The following ZNF704 variants were observed in gnomAD, a reference collection of about 807,000 sequenced individuals.
The protein encoded by ZNF704 is glucocorticoid induced gene 1.
A neutral mutation model predicts 44.7 loss-of-function variants in ZNF704; 10 were observed. The observed-to-expected ratio is 0.22, with a 90% CI of 0.14 to 0.38. The LOEUF is 0.38. Ranked by LOEUF, ZNF704 falls within the 10% of genes least tolerant of loss-of-function variation. The probability of loss-of-function intolerance (pLI) is 1.00; values close to 1 mark genes in which losing one functional copy is unlikely to be tolerated. For synonymous variants in ZNF704, 211 were observed against 207.6 expected (o/e 1.02, Z -0.14); for missense variants, 390 against 545.5 (o/e 0.71, Z 2.84).
intron 2 of ZNF704, among the ~76,000 whole-genome samples, chr8:80,811,935 AC>A (rs925183702): frequency 1.1e-4 from 17 of 152,128 alleles, no homozygotes; most frequent in African/African-American, 4.1e-4. Context: ...CCTATTGTGA[AC>A]TGCGCATGTG....
rs188489254 is a variant in ZNF704 at position 80,733,298 on chromosome 8, C to T, written c.222-40191G>A. ...CATTATCTGTTATTTTCATTGTTTT[C>T]TTTTCCCATGCACACTGCCTTATCT... On this transcript the variant is annotated intron_variant, in intron 2 of 8. Transcript: ENST00000327835. 2.8e-3 allele frequency among the ~76,000 whole-genome samples: 432 copies of T among 152,154 alleles called. 8 individuals are homozygous for T. Among genetic ancestry groups the T allele is most frequent in the Admixed American group, 0.025 (382 of 15,282 alleles).
At chr8:80,876,715 T>A (rs1044632976), upstream of ZNF704, among the ~76,000 whole-genome samples, 27 of 152,290 alleles carry the variant, frequency 1.8e-4, no homozygotes, top group African/African-American at 6.0e-4. Context: ...ATAAATGCAA[T>A]CAGCTTACAA....
intron 1 of ZNF704, among the ~76,000 whole-genome samples, chr8:80,859,715 C>T (rs890746525): frequency 1.3e-5 from 2 of 152,126 alleles, no homozygotes. Context: ...TCAGCAGCGA[C>T]TCCAGGTCTG....
chr8:80,707,085 A>C (rs1818910665), intron 2 of ZNF704, among the ~76,000 whole-genome samples: 1 of 152,128 alleles, frequency 6.6e-6, no homozygotes, highest in African/African-American at 2.4e-5. Context: ...GGTTGATGTC[A>C]CTCCCCCATT....
chr8:80,867,047 G>C (rs1809167904), intron 1 of ZNF704, among the ~76,000 whole-genome samples: 1 of 152,152 alleles, frequency 6.6e-6, no homozygotes, highest in Non-Finnish European at 1.5e-5. Context: ...AAGGAGAAGA[G>C]GCTCTAACAG....
intron 2 of ZNF704, among the ~76,000 whole-genome samples, chr8:80,808,912 A>G (rs1244976816): frequency 6.6e-6 from 1 of 152,216 alleles, no homozygotes; most frequent in Non-Finnish European, 1.5e-5. Context: ...AAGTCTAATC[A>G]CATCCAAGTG....
chr8:80,774,981 C>T (rs1807387204), intron 2 of ZNF704, among the ~76,000 whole-genome samples: 1 of 152,138 alleles, frequency 6.6e-6, no homozygotes, highest in African/African-American at 2.4e-5. Flanking sequence ...AGTCTGTTTT[C>T]TTCTCTCTAC....
At chr8:80,750,130 G>A (rs1438231652) in intron 2 of ZNF704, among the ~76,000 whole-genome samples, 2 of 152,082 alleles carry the variant, frequency 1.3e-5, no homozygotes, top group African/African-American at 4.8e-5. Context: ...TGCCTGCTCA[G>A]CCAAGGTATG....
At chr8:80,837,819 T>C (rs1342300947) in intron 1 of ZNF704, among the ~76,000 whole-genome samples, 1 of 152,192 alleles carries the variant, frequency 6.6e-6, no homozygotes, top group Non-Finnish European at 1.5e-5. Context: ...GGTCTGCCCA[T>C]TCTAATAGCT....
At chr8:80,710,536 C>T (rs575303446) in intron 2 of ZNF704, among the ~76,000 whole-genome samples, 4 of 152,244 alleles carry the variant, frequency 2.6e-5, no homozygotes, top group Admixed American at 2.0e-4. Flanking sequence ...TACCCCTCGA[C>T]ATGATAGTAT....
chr8:80,792,324 C>G (rs1411518692), intron 2 of ZNF704, among the ~76,000 whole-genome samples: 1 of 152,074 alleles, frequency 6.6e-6, no homozygotes, highest in Non-Finnish European at 1.5e-5. Context: ...GTATGCAAAC[C>G]CTTTAATTAG....
intron 6 of ZNF704, 39 bp from the exon 7 acceptor site, chr8:80,659,728 T>C (rs1238667570): frequency 9.7e-5 from 119 of 1,230,594 alleles, no homozygotes; most frequent in Non-Finnish European, 1.2e-4. Context: ...TATGAAGGAA[T>C]ATTTTCCTTC....
intron 6 of ZNF704, among the ~76,000 whole-genome samples, chr8:80,663,306 A>G (rs531210041): frequency 1.7e-3 from 258 of 151,532 alleles, no homozygotes; most frequent in Middle Eastern, 0.01. Flanking sequence ...GCTTGAGCCC[A>G]GGAGTTCGAG....
chr8:80,773,208 T>C (rs1239077983), intron 2 of ZNF704, among the ~76,000 whole-genome samples: 2 of 152,210 alleles, frequency 1.3e-5, no homozygotes, highest in African/African-American at 4.8e-5. Flanking sequence ...TCTGTTTTCT[T>C]TTCCTGCCTT....
At chr8:80,747,230 G>A (rs1806862148) in intron 2 of ZNF704, among the ~76,000 whole-genome samples, 1 of 152,068 alleles carries the variant, frequency 6.6e-6, no homozygotes, top group Non-Finnish European at 1.5e-5. Flanking sequence ...GTAGGCCACA[G>A]TGGCCTCAAA....
intron 2 of ZNF704, among the ~76,000 whole-genome samples, chr8:80,777,237 C>T (rs1807429493): frequency 6.6e-6 from 1 of 152,100 alleles, no homozygotes; most frequent in Admixed American, 6.6e-5. Context: ...TTATTTCACT[C>T]CACTAATCCC....
intron 7 of ZNF704, among the ~76,000 whole-genome samples, chr8:80,646,383 G>C (rs1037673467): frequency 6.6e-6 from 1 of 151,862 alleles, no homozygotes; most frequent in African/African-American, 2.4e-5. Context: ...GCTGAGGTGG[G>C]AGGATCACCT....
chr8:80,821,149 C>A (rs1808262789), intron 2 of ZNF704, among the ~76,000 whole-genome samples: 1 of 152,160 alleles, frequency 6.6e-6, no homozygotes, highest in South Asian at 2.1e-4. Context: ...TTGAATAAAA[C>A]ATTTCTTTTC....
chr8:80,771,155 A>C (rs567216340), intron 2 of ZNF704, among the ~76,000 whole-genome samples: 1 of 152,248 alleles, frequency 6.6e-6, no homozygotes, highest in East Asian at 1.9e-4. Flanking sequence ...CTCCTACTTT[A>C]TTCTGTTTCA....
Sources: allele counts gnomAD v4.1 joint callset (sites outside exome capture counted in the v4.1 genomes callset), GRCh38; gene constraint gnomAD v4.1.1; transcripts MANE v1.5; gene names NCBI Gene and HGNC (gene_info 2026-07-23, HGNC 2026-07-21).